FGFRL1: variants seen among roughly 807,000 people sequenced by gnomAD.
FGFRL1 encodes fibroblast growth factor receptor-like 1.
A neutral mutation model predicts 36.8 loss-of-function variants in FGFRL1; 24 were observed. That is an observed-to-expected ratio of 0.65 (90% CI 0.47 to 0.92). The LOEUF (loss-of-function observed/expected upper bound fraction) is 0.92. Among genes scored for constraint, FGFRL1 ranks in the 40% least tolerant of loss-of-function variants. The probability of loss-of-function intolerance (pLI) is 0.00; values close to 1 mark genes in which losing one functional copy is unlikely to be tolerated. For missense variants in FGFRL1, 785 were observed against 753.4 expected (o/e 1.04, Z -0.49); for synonymous variants, 422 against 344.1 (o/e 1.23, Z -2.50).
chr4:1,016,910 C>T (rs1490370012), intron 2 of FGFRL1, among the ~76,000 whole-genome samples: 1 of 152,120 alleles, frequency 6.6e-6, no homozygotes, highest in Non-Finnish European at 1.5e-5. Flanking sequence ...CTGGGGTTTC[C>T]CACTCACTCC....
Position 1,024,562 on chromosome 4 carries a change from C to T in FGFRL1, c.970C>T (p.Leu324Phe). The change falls in exon 6 of 7, where the codon CTC becomes TTC. Residue 324 changes from leucine to phenylalanine, a missense_variant. Coordinates refer to ENST00000510644, the MANE Select transcript of FGFRL1 (RefSeq NM_001004356.3). ...RPDGSYLNKL[L>F]ITRARQDDAG... ...CGACGGCTCCTACCTCAATAAGCTG[C>T]TCATCACCCGTGCCCGCCAGGACGA... 5 of 1,612,508 alleles carry T rather than the reference C, an allele frequency of 3.1e-6. No homozygotes were observed. The highest frequency in any genetic ancestry group is 2.7e-5 in the African/African-American group (2 of 75,024).
At chr4:1,020,072 G>A (rs1333796491) in intron 2 of FGFRL1, among the ~76,000 whole-genome samples, 2 of 152,346 alleles carry the variant, frequency 1.3e-5, no homozygotes, top group African/African-American at 2.4e-5. Flanking sequence ...CTCTGTGAGG[G>A]TCCCTGTCCC....
rs71604335 is a variant in FGFRL1, at chr4:1,022,400, G to A, written c.277G>A (p.Asp93Asn). The change falls in exon 3 of 7, where the codon GAT (aspartate) becomes AAT (asparagine). Residue 93 changes from aspartate (D) to asparagine (N), a missense_variant. Transcript: ENST00000510644. Reference sequence around the variant, plus strand: ...GAAGGTGAAGCAGGTGGAGCGGGAGGATGCCGGCGTGTACGTGTGCAAGGC... The same window carrying A: ...GAAGGTGAAGCAGGTGGAGCGGGAGAATGCCGGCGTGTACGTGTGCAAGGC... The part of the protein sequence containing the change: ...GLKVKQVERE[D>N]AGVYVCKATN... 3.1e-6 allele frequency: 5 copies of A among 1,611,830 alleles called. No homozygotes were observed. The highest frequency in any genetic ancestry group is 3.4e-6 in the Non-Finnish European group (4 of 1,179,648).
intron 2 of FGFRL1, 24 bp downstream of exon 2, chr4:1,012,588 C>T (rs771408548): frequency 8.7e-7 from 1 of 1,154,906 alleles, no homozygotes; most frequent in Non-Finnish European, 1.2e-6. Context: ...CCCAGCCCGG[C>T]CAGCCTGGCC....
At position 1,024,015 on chromosome 4, in the gene FGFRL1, T is replaced by C; in HGVS notation, c.632T>C (p.Leu211Pro). The C allele has an allele frequency of 6.2e-7, 1 of 1,607,660 alleles. No homozygotes were observed. Among genetic ancestry groups the C allele is most frequent in the Non-Finnish European group, 8.5e-7 (1 of 1,178,650 alleles). Reference protein sequence around the residue: ...KKKWTLSLKNLRPEDSGKYTC... With the variant: ...KKKWTLSLKNPRPEDSGKYTC... ...AAGTGGACACTGAGCCTGAAGAACCTGCGGCCGGAGGACAGCGGCAAATAC... is the reference window on the plus strand; with the variant it reads ...AAGTGGACACTGAGCCTGAAGAACCCGCGGCCGGAGGACAGCGGCAAATAC... Residue 211 changes from leucine (L) to proline (P), a missense_variant, in exon 5 of 7, where the codon CTG becomes CCG. Transcript: ENST00000510644.
chr4:1,025,086 C>G lies in FGFRL1; in HGVS notation c.1254C>G (p.Arg418=), dbSNP rs758398284. 5 of 1,610,004 alleles carry G rather than the reference C, an allele frequency of 3.1e-6. No individual in the cohort carries two copies. In the South Asian group the frequency reaches 5.5e-5, roughly 18 times the overall value. Residue 418 remains arginine, a synonymous_variant, in exon 7 of 7, where the codon CGC becomes CGG. Transcript: ENST00000510644. ...CTGCCCCTCCCCTGCCTGGGCACCG[C>G]CCGCCGGGGACGGCCCGCGACCGCA... The part of the protein sequence containing the change: ...PAPAPPLPGH[R]PPGTARDRSG...
Position 1,022,338 on chromosome 4 carries a change from G to A in FGFRL1, c.215G>A (p.Ser72Asn). 6.2e-7 allele frequency: 1 copy of A among 1,603,762 alleles called. No individual in the cohort carries two copies. The change falls in exon 3 of 7, where the codon AGC (serine) becomes AAC (asparagine). Residue 72 changes from serine (S) to asparagine (N), a missense_variant. Transcript: ENST00000510644. ...MWTKDGRTIH[S>N]GWSRFRVLPQ... ...ACCAAGGATGGCCGCACCATCCACAGCGGCTGGAGCCGCTTCCGCGTGCTG... is the reference window on the plus strand; with the variant it reads ...ACCAAGGATGGCCGCACCATCCACAACGGCTGGAGCCGCTTCCGCGTGCTG...
chr4:1,015,741 G>A lies in FGFRL1; in HGVS notation c.79+3177G>A, dbSNP rs1007822673. Among the ~76,000 whole-genome samples the A allele has an allele frequency of 3.3e-5, 5 of 152,240 alleles. No individual in the cohort carries two copies. In the South Asian group the frequency reaches 6.2e-4, roughly 19 times the overall value. On this transcript the variant is annotated intron_variant, in intron 2 of 6. Coordinates refer to ENST00000510644, the MANE Select transcript of FGFRL1 (RefSeq NM_001004356.3). The stretch of plus-strand genomic sequence containing the variant: ...TGCCCTTGTGTGTGGCGTGGGGCCC[G>A]CTGGGCACGGTGACACCCTCTGGGC...
chr4:1,024,500 T>G lies in FGFRL1; in HGVS notation c.908T>G (p.Phe303Cys). 6.2e-7 allele frequency: 1 copy of G among 1,612,504 alleles called. No homozygotes were observed. The highest frequency in any genetic ancestry group is 8.5e-7 in the Non-Finnish European group (1 of 1,179,828). Reference protein sequence around the residue: ...NSTIDVGGQKFVVLPTGDVWS... With the variant: ...NSTIDVGGQKCVVLPTGDVWS... ...ACCATCGATGTGGGCGGCCAGAAGT[T>G]TGTGGTGCTGCCCACGGGTGACGTG... Residue 303 changes from phenylalanine to cysteine, a missense_variant, in exon 6 of 7, where the codon TTT (phenylalanine) becomes TGT (cysteine). Physicochemically the swap from Phe to Cys is radical, Grantham distance 205. Coordinates refer to ENST00000510644, the MANE Select transcript of FGFRL1 (RefSeq NM_001004356.3).
chr4:1,019,171 C>A (rs1716046771), intron 2 of FGFRL1, among the ~76,000 whole-genome samples: 1 of 152,232 alleles, frequency 6.6e-6, no homozygotes, highest in African/African-American at 2.4e-5. Context: ...CTGCCTGGGG[C>A]AGGGTGGGGG....
At chr4:1,011,391 TGGGGCGGGGCG>T (rs1425252957), upstream of FGFRL1, 9 of 49,290 alleles carry the variant, frequency 1.8e-4, no homozygotes, top group South Asian at 4.4e-3. Context: ...AGGCTCGGGT[TGGGGCGGGGCG>T]GGGGCGGGGG....
rs749212877 is a variant in FGFRL1, at chr4:1,025,278, A to ACACACACACTCT, written c.1458_1469dup (p.Thr488_His491dup). The ACACACACACTCT allele has an allele frequency of 3.1e-6, 5 of 1,590,444 alleles. No homozygotes were observed. The South Asian group carries it at 5.6e-5, about 18-fold the overall frequency. On this transcript the variant is annotated inframe_insertion, in exon 7 of 7. Transcript: ENST00000510644. ...TCTACACAGACATCCACACACACAC[A>ACACACACACTCT]CACACACACTCTCACACACACTCAC...
At chr4:1,013,629 C>A (rs1277352168) in intron 2 of FGFRL1, among the ~76,000 whole-genome samples, 1 of 152,276 alleles carries the variant, frequency 6.6e-6, no homozygotes, top group South Asian at 2.1e-4. Context: ...CCATACTGGG[C>A]GAGCCCCTAC....
Position 1,022,387 on chromosome 4 carries a change from G to C in FGFRL1, c.264G>C (p.Gln88His). Residue 88 changes from glutamine (Q) to histidine (H), a missense_variant, in exon 3 of 7, where the codon CAG becomes CAC. Transcript: ENST00000510644. ...TGCCGCAGGGGCTGAAGGTGAAGCA[G>C]GTGGAGCGGGAGGATGCCGGCGTGT... ...RVLPQGLKVK[Q>H]VEREDAGVYV... 1 of 1,611,340 alleles carries C rather than the reference G, an allele frequency of 6.2e-7. No individual in the cohort carries two copies. The highest frequency in any genetic ancestry group is 8.5e-7 in the Non-Finnish European group (1 of 1,179,404).
chr4:1,024,114 C>A lies in FGFRL1; in HGVS notation c.718+13C>A, dbSNP rs1716358800. On this transcript the variant is annotated intron_variant, in intron 5 of 6. Coordinates refer to ENST00000510644, the MANE Select transcript of FGFRL1 (RefSeq NM_001004356.3). ...GTGGATGTGATCCGTGAGTGTGGCCCCGGGCGCTGGCGGGCGGGGGGTGCT... is the reference window on the plus strand; with the variant it reads ...GTGGATGTGATCCGTGAGTGTGGCCACGGGCGCTGGCGGGCGGGGGGTGCT... 2 of 1,511,590 alleles carry A rather than the reference C, an allele frequency of 1.3e-6. No homozygotes were observed. Among genetic ancestry groups the A allele is most frequent in the East Asian group, 5.0e-5 (2 of 39,620 alleles). The allele number at this position is 1,511,590 out of a possible 1,614,324, so 93.6% of individuals were successfully genotyped here.
rs765652265 is a variant in FGFRL1 at position 1,023,692 on chromosome 4, G to T, written c.404G>T (p.Gly135Val). 2 of 1,598,570 alleles carry T rather than the reference G, an allele frequency of 1.3e-6. No individual in the cohort carries two copies. The highest frequency in any genetic ancestry group is 8.5e-7 in the Non-Finnish European group (1 of 1,174,844). ...CTGGGGCCCGACAGCTCCTCTGGGG[G>T]TCAAGAGGACCCCGCCAGCCAGCAG... ...ESLGPDSSSG[G>V]QEDPASQQWA... Residue 135 changes from glycine to valine, a missense_variant, in exon 4 of 7, where the codon GGT becomes GTT. By Grantham distance (109) the Gly-to-Val change is moderately radical (BLOSUM62 -3). Transcript: ENST00000510644. This position sits in a 1 kb window ranked among gnomAD's most constrained non-coding sequence, Gnocchi z 6.0.
At chr4:1,022,168 C>T (rs1227975037) in intron 2 of FGFRL1, 35 bp from the exon 3 acceptor site, 2 of 1,480,928 alleles carry the variant, frequency 1.4e-6, no homozygotes, top group Admixed American at 4.6e-5. Flanking sequence ...ACCCCAAGCC[C>T]CTCCTCGCTG....
chr4:1,013,899 G>A (rs913391895), intron 2 of FGFRL1, among the ~76,000 whole-genome samples: 1 of 152,292 alleles, frequency 6.6e-6, no homozygotes, highest in African/African-American at 2.4e-5. Flanking sequence ...TTGGGGCTGA[G>A]GATATCCAGC....
At position 1,024,655 on chromosome 4, in the gene FGFRL1, G is replaced by A. The variant is rs1365318430; in HGVS notation, c.1063G>A (p.Val355Met). The A allele has an allele frequency of 8.8e-6, 14 of 1,597,926 alleles. No homozygotes were observed. Among genetic ancestry groups the A allele is most frequent in the African/African-American group, 1.3e-5 (1 of 74,662 alleles). Residue 355 changes from valine (V) to methionine (M), a missense_variant, in exon 6 of 7, where the codon GTG becomes ATG. Coordinates refer to ENST00000510644, the MANE Select transcript of FGFRL1 (RefSeq NM_001004356.3). Reference sequence around the variant, plus strand: ...CAGCTTCCGCAGCGCCTTCCTCACCGTGCTGCCAGGTGCGCGGCTGCCACG... The same window carrying A: ...CAGCTTCCGCAGCGCCTTCCTCACCATGCTGCCAGGTGCGCGGCTGCCACG... ...GYSFRSAFLT[V>M]LPDPKPPGPP... is the part of the protein sequence containing the mutation.
Sources: allele counts gnomAD v4.1 joint callset (sites outside exome capture counted in the v4.1 genomes callset), GRCh38; gene constraint gnomAD v4.1.1; non-coding constraint Gnocchi (gnomAD v3.1); transcripts MANE v1.5; gene names NCBI Gene and HGNC (gene_info 2026-07-23, HGNC 2026-07-21).